The following CCDC85A variants were observed in gnomAD, a reference collection of about 807,000 sequenced individuals.
CCDC85A encodes coiled-coil domain containing 85A, also known as coiled-coil domain-containing protein 85A.
Under a neutral mutation model 50.2 loss-of-function variants are expected in CCDC85A, and 38 were observed. That is an observed-to-expected ratio of 0.76 (90% CI 0.58 to 0.99). The LOEUF (loss-of-function observed/expected upper bound fraction) is 0.99, where lower values mean the gene tolerates loss of function less well. CCDC85A is among the 50% of genes least tolerant of loss of function. CCDC85A has a pLI of 0.00. For synonymous variants in CCDC85A, 366 were observed against 301.4 expected, an observed-to-expected ratio of 1.21 and a Z score of -2.22; for missense variants, 820 against 742.0, an observed-to-expected ratio of 1.11 and a Z score of -1.22.
intron 3 of CCDC85A, among the ~76,000 whole-genome samples, chr2:56,358,970 T>TGTA (rs11430924): frequency 5.1e-4 from 31 of 60,718 alleles, no homozygotes; most frequent in Non-Finnish European, 1.1e-3. Context: ...TATTTTTTTT[T>TGTA]TTTTTTTTTT....
At chr2:56,344,430 G>A (rs1011742963) in intron 3 of CCDC85A, among the ~76,000 whole-genome samples, 1 of 151,964 alleles carries the variant, frequency 6.6e-6, no homozygotes, top group Non-Finnish European at 1.5e-5. Flanking sequence ...TACTCAAAAC[G>A]GCCCACAATT....
At chr2:56,311,207 A>T (rs1672676798) in intron 2 of CCDC85A, among the ~76,000 whole-genome samples, 1 of 152,106 alleles carries the variant, frequency 6.6e-6, no homozygotes, top group Non-Finnish European at 1.5e-5. Flanking sequence ...ACACACTTTC[A>T]TGTCTCAAAT....
chr2:56,306,968 A>C (rs1672474949), intron 2 of CCDC85A, among the ~76,000 whole-genome samples: 4 of 152,130 alleles, frequency 2.6e-5, no homozygotes, highest in Admixed American at 2.6e-4. Context: ...GGAATGATTG[A>C]TTGAAAATTT....
At chr2:56,314,145 A>G (rs1672816553) in intron 2 of CCDC85A, among the ~76,000 whole-genome samples, 1 of 149,836 alleles carries the variant, frequency 6.7e-6, no homozygotes, top group Non-Finnish European at 1.5e-5. Context: ...GAGCTCGGGC[A>G]CTTAGCCATA....
chr2:56,259,121 G>A (rs1670111165), intron 2 of CCDC85A, among the ~76,000 whole-genome samples: 1 of 152,166 alleles, frequency 6.6e-6, no homozygotes, highest in Admixed American at 6.5e-5. Flanking sequence ...GTGCTGTGCT[G>A]ACCAGTTGGG....
chr2:56,295,710 C>G (rs1233388192), intron 2 of CCDC85A, among the ~76,000 whole-genome samples: 3 of 152,170 alleles, frequency 2.0e-5, no homozygotes, highest in Non-Finnish European at 4.4e-5. Context: ...TGTTTAGTGA[C>G]TTCTTCTCTT....
At chr2:56,226,512 T>A (rs1469184165) in intron 2 of CCDC85A, among the ~76,000 whole-genome samples, 7 of 150,260 alleles carry the variant, frequency 4.7e-5, no homozygotes, top group East Asian at 1.9e-4. Context: ...TATGTCATAT[T>A]TTTTTTTTCC....
intron 5 of CCDC85A, among the ~76,000 whole-genome samples, chr2:56,380,417 A>G (rs79706416): frequency 0.067 from 10,154 of 152,130 alleles, 425 homozygotes; most frequent in Non-Finnish European, 0.096. Flanking sequence ...TAGTTAGGCC[A>G]GGCACAGTAG....
intron 2 of CCDC85A, among the ~76,000 whole-genome samples, chr2:56,331,796 T>C (rs563329823): frequency 1.3e-5 from 2 of 152,364 alleles, no homozygotes; most frequent in African/African-American, 4.8e-5. Flanking sequence ...ATCAAACCCT[T>C]CCTGGAAAAT....
chr2:56,248,758 T>C (rs1326021804), intron 2 of CCDC85A, among the ~76,000 whole-genome samples: 1 of 152,150 alleles, frequency 6.6e-6, no homozygotes, highest in African/African-American at 2.4e-5. Flanking sequence ...ACCTACATGA[T>C]TTCAGTGTCA....
intron 2 of CCDC85A, among the ~76,000 whole-genome samples, chr2:56,262,111 G>T (rs1302471570): frequency 6.6e-6 from 1 of 152,162 alleles, no homozygotes; most frequent in Non-Finnish European, 1.5e-5. Flanking sequence ...CAGGTGGTGA[G>T]ATTTTTAGGA....
At chr2:56,196,109 T>C (rs1676509884) in intron 2 of CCDC85A, among the ~76,000 whole-genome samples, 1 of 152,226 alleles carries the variant, frequency 6.6e-6, no homozygotes. Context: ...AATGCAAAGA[T>C]AAATTTTAGC....
At chr2:56,207,925 A>G (rs536513237) in intron 2 of CCDC85A, among the ~76,000 whole-genome samples, 1 of 152,118 alleles carries the variant, frequency 6.6e-6, no homozygotes, top group East Asian at 1.9e-4. Flanking sequence ...TCACTCTGGA[A>G]CTCTTTGGAC....
chr2:56,256,715 T>C (rs1216691347), intron 2 of CCDC85A, among the ~76,000 whole-genome samples: 2 of 152,208 alleles, frequency 1.3e-5, no homozygotes, highest in African/African-American at 4.8e-5. Context: ...CAGATAAATA[T>C]AACCTTCCTG....
At chr2:56,340,790 C>T (rs915003340) in intron 2 of CCDC85A, among the ~76,000 whole-genome samples, 3 of 147,076 alleles carry the variant, frequency 2.0e-5, no homozygotes, top group Non-Finnish European at 3.0e-5. Flanking sequence ...GCAGGAGAAT[C>T]GCTTGAACCT....
intron 2 of CCDC85A, among the ~76,000 whole-genome samples, chr2:56,331,744 G>C (rs555050385): frequency 6.6e-6 from 1 of 152,154 alleles, no homozygotes; most frequent in Admixed American, 6.5e-5. Flanking sequence ...AGAAAACACA[G>C]CACTTGCATG....
chr2:56,297,201 G>A (rs1186483524), intron 2 of CCDC85A, among the ~76,000 whole-genome samples: 3 of 152,102 alleles, frequency 2.0e-5, no homozygotes. Flanking sequence ...AAAATGATTA[G>A]AGGAAATGAG....
chr2:56,230,577 G>A (rs1215046602), intron 2 of CCDC85A, among the ~76,000 whole-genome samples: 5 of 152,232 alleles, frequency 3.3e-5, no homozygotes, highest in African/African-American at 4.8e-5. Flanking sequence ...TCTTCCTCAC[G>A]TCTGCCCATG....
intron 2 of CCDC85A, among the ~76,000 whole-genome samples, chr2:56,210,886 G>C (rs1321503536): frequency 1.5e-4 from 23 of 151,954 alleles, no homozygotes; most frequent in Non-Finnish European, 2.9e-5. Flanking sequence ...GTCATAAGCC[G>C]ATCAAGATGC....
Sources: allele counts gnomAD v4.1 joint callset (sites outside exome capture counted in the v4.1 genomes callset), GRCh38; gene constraint gnomAD v4.1.1; transcripts MANE v1.5; gene names NCBI Gene and HGNC (gene_info 2026-07-23, HGNC 2026-07-21).